Variants in PCDH15 observed in about 807,000 individuals in gnomAD.
The protein encoded by PCDH15 is protocadherin-15.
In PCDH15, 129 loss-of-function variants were observed where a neutral mutation model predicts 178.5. The observed-to-expected ratio is 0.72, with a 90% CI of 0.63 to 0.84. The LOEUF (loss-of-function observed/expected upper bound fraction) is 0.84, where lower values mean the gene tolerates loss of function less well. Ranked by LOEUF, PCDH15 falls within the 40% of genes least tolerant of loss-of-function variation. The pLI, the probability that PCDH15 is intolerant of heterozygous loss-of-function variation, is 0.00. For missense variants in PCDH15, 2,230 were observed against 2,099.9 expected (o/e 1.06, Z -1.21); for synonymous variants, 800 against 732.0 (o/e 1.09, Z -1.50).
chr10:53,868,739 A>G (rs1184221960), intron 26 of PCDH15, among the ~76,000 whole-genome samples: 1 of 152,222 alleles, frequency 6.6e-6, no homozygotes. Context: ...AGATAATCAT[A>G]TCTACTTGTT....
intron 11 of PCDH15, among the ~76,000 whole-genome samples, chr10:54,187,706 C>T (rs1310814582): frequency 5.3e-5 from 8 of 151,872 alleles, no homozygotes. Context: ...TAGCACTATA[C>T]ATGGCATATT....
At chr10:54,600,633 G>T in intron 2 of PCDH15, 2 of 580,900 alleles carry the variant, frequency 3.4e-6, no homozygotes, top group South Asian at 2.8e-5. Flanking sequence ...TAAAAAGGTA[G>T]AAAATGTCAC....
chr10:54,966,218 G>C (rs1216291294), intron 2 of PCDH15, among the ~76,000 whole-genome samples: 1 of 151,946 alleles, frequency 6.6e-6, no homozygotes, highest in Non-Finnish European at 1.5e-5. Context: ...TTTTCAGCAT[G>C]GTAGGGAGAA....
intron 35 of PCDH15, among the ~76,000 whole-genome samples, chr10:53,815,337 C>T (rs945737314): frequency 6.6e-6 from 1 of 152,200 alleles, no homozygotes; most frequent in Non-Finnish European, 1.5e-5. Flanking sequence ...TAGGAACTTA[C>T]ACATTTATTA....
At chr10:55,256,762 G>T (rs1456128140) in intron 1 of PCDH15, among the ~76,000 whole-genome samples, 1 of 152,198 alleles carries the variant, frequency 6.6e-6, no homozygotes, top group Non-Finnish European at 1.5e-5. Context: ...GCAGCTCAAG[G>T]AGGCCTGCCA....
chr10:53,986,988 G>C (rs1270882719), intron 21 of PCDH15, among the ~76,000 whole-genome samples: 1 of 152,086 alleles, frequency 6.6e-6, no homozygotes, highest in Non-Finnish European at 1.5e-5. Context: ...TCTTGCTCCT[G>C]AGCCCACACT....
At chr10:55,303,440 T>G (rs1293182006) in intron 1 of PCDH15, among the ~76,000 whole-genome samples, 1 of 152,188 alleles carries the variant, frequency 6.6e-6, no homozygotes, top group Non-Finnish European at 1.5e-5. Context: ...ATTTCCATTG[T>G]GGACTAACAG....
intron 17 of PCDH15, among the ~76,000 whole-genome samples, chr10:54,076,411 C>T (rs1803827380): frequency 6.6e-6 from 1 of 152,004 alleles, no homozygotes; most frequent in African/African-American, 2.4e-5. Flanking sequence ...CTCATATCAC[C>T]TCTAAACAGA....
chr10:55,587,104 G>A (rs533809065), intron 2 of PCDH15, among the ~76,000 whole-genome samples: 19 of 151,986 alleles, frequency 1.3e-4, no homozygotes, highest in Non-Finnish European at 2.2e-4. Flanking sequence ...AATCATATAT[G>A]TACCTTTTTT....
chr10:55,616,935 G>A (rs989319099), intron 2 of PCDH15, among the ~76,000 whole-genome samples: 14 of 151,882 alleles, frequency 9.2e-5, no homozygotes, highest in Admixed American at 8.5e-4. Context: ...TATGTTACAT[G>A]TATTATAATG....
intron 14 of PCDH15, among the ~76,000 whole-genome samples, chr10:54,147,111 T>A (rs2044057535): frequency 6.6e-6 from 1 of 150,750 alleles, no homozygotes; most frequent in Admixed American, 6.7e-5. Flanking sequence ...GCCTCATAAC[T>A]TTTCAGTTCA....
At chr10:54,218,842 C>G (rs974875178) in intron 9 of PCDH15, among the ~76,000 whole-genome samples, 3 of 151,808 alleles carry the variant, frequency 2.0e-5, no homozygotes, top group Non-Finnish European at 4.4e-5. Flanking sequence ...AAAATTAAAC[C>G]AAGGAAAGTA....
At chr10:53,818,334 AT>A (rs1205960558) in intron 33 of PCDH15, 1 of 193,216 alleles carries the variant, frequency 5.2e-6, no homozygotes, top group East Asian at 1.1e-4. Context: ...TGGATAAAAA[AT>A]ATTATACATG....
intron 9 of PCDH15, among the ~76,000 whole-genome samples, chr10:54,216,999 T>C (rs2052152799): frequency 6.6e-6 from 1 of 152,082 alleles, no homozygotes; most frequent in Admixed American, 6.5e-5. Flanking sequence ...GCCTATAATA[T>C]GCTAACCTTT....
chr10:54,528,313 T>C, intron 2 of PCDH15: 1 of 1,362,660 alleles, frequency 7.3e-7, no homozygotes, highest in Non-Finnish European at 1.0e-6. Flanking sequence ...TTAATAATGT[T>C]CTAAAGAGAA....
At chr10:53,932,189 T>C (rs2085120183) in intron 25 of PCDH15, among the ~76,000 whole-genome samples, 1 of 152,216 alleles carries the variant, frequency 6.6e-6, no homozygotes, top group East Asian at 1.9e-4. Flanking sequence ...TTTATAGGAA[T>C]TCTGCGGTCT....
chr10:55,140,037 A>C (rs1276647407), intron 2 of PCDH15, among the ~76,000 whole-genome samples: 1 of 151,894 alleles, frequency 6.6e-6, no homozygotes, highest in South Asian at 2.1e-4. Flanking sequence ...GATTTCAAAT[A>C]GTTCATTTTC....
intron 3 of PCDH15, among the ~76,000 whole-genome samples, chr10:54,398,694 G>C (rs545454645): frequency 5.9e-5 from 9 of 151,718 alleles, no homozygotes; most frequent in Non-Finnish European, 1.0e-4. Flanking sequence ...TAGAACCTAG[G>C]TTATTTTATT....
At chr10:54,010,613 T>C (rs796614469) in intron 20 of PCDH15, among the ~76,000 whole-genome samples, 58 of 152,250 alleles carry the variant, frequency 3.8e-4, no homozygotes, top group African/African-American at 1.2e-3. Context: ...AACCACCTTG[T>C]CAATGCCTAA....
Sources: allele counts gnomAD v4.1 joint callset (sites outside exome capture counted in the v4.1 genomes callset), GRCh38; gene constraint gnomAD v4.1.1; transcripts MANE v1.5; gene names NCBI Gene and HGNC (gene_info 2026-07-23, HGNC 2026-07-21).